Variants in NUP93 observed in about 807,000 individuals in gnomAD.
NUP93 encodes the protein nuclear pore complex protein Nup93.
Under a neutral mutation model 107.8 loss-of-function variants are expected in NUP93, and 55 were observed. The observed-to-expected ratio is 0.51, with a 90% CI of 0.41 to 0.64. The LOEUF (loss-of-function observed/expected upper bound fraction) is 0.64, where lower values mean the gene tolerates loss of function less well. NUP93 is among the 30% of genes least tolerant of loss of function. The pLI is 0.00. For synonymous variants in NUP93, 390 were observed against 397.5 expected (o/e 0.98, Z 0.22); for missense variants, 937 against 1,044.7 (o/e 0.90, Z 1.42).
chr16:56,843,501 C>T (rs1415637748), intron 21 of NUP93, among the ~76,000 whole-genome samples: 4 of 152,160 alleles, frequency 2.6e-5, no homozygotes, highest in Non-Finnish European at 5.9e-5. Context: ...ATAAAAGCTG[C>T]GTGCCCAAGA....
At chr16:56,836,353 T>C (rs1018515104) in intron 16 of NUP93, among the ~76,000 whole-genome samples, 10 of 152,340 alleles carry the variant, frequency 6.6e-5, no homozygotes, top group Non-Finnish European at 1.5e-4. Context: ...GATGTCTTAT[T>C]GCTGACTCCT....
intron 1 of NUP93, chr16:56,740,952 C>G (rs1231718927): frequency 6.1e-6 from 1 of 164,362 alleles, no homozygotes; most frequent in African/African-American, 2.4e-5. Context: ...TGCAGTGAGC[C>G]GAGATGGCAG....
chr16:56,780,539 G>C (rs1395022656), intron 3 of NUP93, among the ~76,000 whole-genome samples: 1 of 151,988 alleles, frequency 6.6e-6, no homozygotes, highest in Non-Finnish European at 1.5e-5. Flanking sequence ...TCAACTCTGG[G>C]TATTTATTTA....
intron 3 of NUP93, among the ~76,000 whole-genome samples, chr16:56,784,829 A>G (rs940930395): frequency 2.0e-5 from 3 of 152,186 alleles, no homozygotes; most frequent in African/African-American, 7.2e-5. Context: ...TTGTTGCACT[A>G]GCTCCTGTTT....
At chr16:56,750,971 C>G (rs902889149) in intron 2 of NUP93, among the ~76,000 whole-genome samples, 4 of 152,000 alleles carry the variant, frequency 2.6e-5, no homozygotes, top group African/African-American at 9.7e-5. Flanking sequence ...CCAGCCTGGA[C>G]AACATGGCAA....
At chr16:56,796,518 A>G (rs1174646959) in intron 3 of NUP93, among the ~76,000 whole-genome samples, 4 of 152,232 alleles carry the variant, frequency 2.6e-5, no homozygotes, top group African/African-American at 4.8e-5. Context: ...ATGCTTGACT[A>G]TATACTAAAA....
chr16:56,810,054 T>G (rs1037228342), intron 5 of NUP93, among the ~76,000 whole-genome samples: 7 of 152,228 alleles, frequency 4.6e-5, no homozygotes, highest in African/African-American at 1.7e-4. Flanking sequence ...GATAATGGGA[T>G]GTTCTTTCTT....
In NUP93 at chr16:56,846,211, G is replaced by A. The variant is rs1459566488; in HGVS notation, c.*1602G>A. ...TGATCACCTGAGATCAGGAGTTCAA[G>A]ACCAGCCTGGCCAACATTGTGACAC... On this transcript the variant is annotated 3_prime_UTR_variant, in exon 22 of 22. Transcript: ENST00000308159. 6.6e-6 allele frequency: 1 copy of A among 150,658 alleles called. No individual in the cohort carries two copies. The highest frequency in any genetic ancestry group is 1.5e-5 in the Non-Finnish European group (1 of 67,836). The allele number at this position is 150,658 out of a possible 1,614,324, so 9.3% of individuals were successfully genotyped here.
At chr16:56,837,794 C>T in intron 18 of NUP93, 68 bp downstream of exon 18, 1 of 1,141,058 alleles carries the variant, frequency 8.8e-7, no homozygotes, top group East Asian at 2.5e-5. Flanking sequence ...CCTATGCCCA[C>T]CCAAATGCAT....
chr16:56,794,584 TAGAG>T (rs10596725), intron 3 of NUP93, among the ~76,000 whole-genome samples: 25,466 of 147,786 alleles, frequency 0.17, 2,232 homozygotes, highest in East Asian at 0.34. Flanking sequence ...GTGTGTGTGA[TAGAG>T]AGAGAGAGAG....
At chr16:56,836,128 CAAAA>C (rs766959511) in intron 16 of NUP93, among the ~76,000 whole-genome samples, 2 of 94,714 alleles carry the variant, frequency 2.1e-5, no homozygotes, top group African/African-American at 4.0e-5. Context: ...GACTCTGTCT[CAAAA>C]AAAAAAAAAA....
At chr16:56,839,490 G>A (rs1259601284) in intron 19 of NUP93, 31 bp from the exon 20 acceptor site, 3 of 1,565,234 alleles carry the variant, frequency 1.9e-6, no homozygotes, top group South Asian at 2.3e-5. Context: ...TGATGGTTGT[G>A]TTACATGGGG....
intron 5 of NUP93, among the ~76,000 whole-genome samples, chr16:56,811,277 TTCTG>T: frequency 6.6e-6 from 1 of 152,362 alleles, no homozygotes. Flanking sequence ...ACTTGATGTT[TTCTG>T]TCTTTTTAAA....
chr16:56,737,080 T>C (rs929053684), intron 1 of NUP93, among the ~76,000 whole-genome samples: 8 of 152,254 alleles, frequency 5.3e-5, no homozygotes, highest in Admixed American at 5.2e-4. Context: ...ACTGTCCATA[T>C]TGAAATATAA....
At chr16:56,808,160 TAG>T (rs1411176069) in intron 5 of NUP93, among the ~76,000 whole-genome samples, 40 of 126,138 alleles carry the variant, frequency 3.2e-4, no homozygotes, top group African/African-American at 1.2e-3. Context: ...ATATAATATA[TAG>T]TTATATAACT....
At chr16:56,840,467 A>G (rs1226104822) in intron 20 of NUP93, among the ~76,000 whole-genome samples, 1 of 152,214 alleles carries the variant, frequency 6.6e-6, no homozygotes, top group Non-Finnish European at 1.5e-5. Context: ...GCATCTCTAG[A>G]AAAGTTTCTA....
At chr16:56,810,053 A>T (rs1163475007) in intron 5 of NUP93, among the ~76,000 whole-genome samples, 1 of 152,132 alleles carries the variant, frequency 6.6e-6, no homozygotes, top group African/African-American at 2.4e-5. Flanking sequence ...TGATAATGGG[A>T]TGTTCTTTCT....
At chr16:56,784,512 TATAA>T (rs1288550294) in intron 3 of NUP93, among the ~76,000 whole-genome samples, 1 of 152,230 alleles carries the variant, frequency 6.6e-6, no homozygotes, top group Non-Finnish European at 1.5e-5. Context: ...ATTGTAAGCT[TATAA>T]ATCTTGATTC....
chr16:56,837,751 G>C (rs1260618820), intron 18 of NUP93, 25 bp downstream of exon 18: 7 of 1,554,676 alleles, frequency 4.5e-6, no homozygotes, highest in Non-Finnish European at 6.2e-6. Context: ...GGCTCCATGG[G>C]ACCCTGAGGG....
Sources: allele counts gnomAD v4.1 joint callset (sites outside exome capture counted in the v4.1 genomes callset), GRCh38; gene constraint gnomAD v4.1.1; transcripts MANE v1.5; gene names NCBI Gene and HGNC (gene_info 2026-07-23, HGNC 2026-07-21).